The following FAM81A variants were observed in gnomAD, a reference collection of about 807,000 sequenced individuals.
The protein encoded by FAM81A is protein FAM81A.
A neutral mutation model predicts 46.7 loss-of-function variants in FAM81A; 19 were observed. That is an observed-to-expected ratio of 0.41 (90% CI 0.28 to 0.60). The LOEUF (loss-of-function observed/expected upper bound fraction) is 0.60, where lower values mean the gene tolerates loss of function less well. FAM81A is among the 20% of genes least tolerant of loss of function. The pLI, the probability that FAM81A is intolerant of heterozygous loss-of-function variation, is 0.34. For missense variants in FAM81A, 377 were observed against 453.5 expected, an observed-to-expected ratio of 0.83 and a Z score of 1.53; for synonymous variants, 183 against 152.9, an observed-to-expected ratio of 1.20 and a Z score of -1.45.
chr15:59,467,787 G>A (rs1415049719), intron 3 of FAM81A, among the ~76,000 whole-genome samples: 12 of 152,080 alleles, frequency 7.9e-5, no homozygotes, highest in Admixed American at 2.0e-4. Flanking sequence ...GTTTTGTGCC[G>A]GTTTTCAAAG....
chr15:59,419,500 G>C (rs1425856918), intron 2 of FAM81A, among the ~76,000 whole-genome samples: 1 of 152,104 alleles, frequency 6.6e-6, no homozygotes, highest in African/African-American at 2.4e-5. Context: ...TACAGTACTT[G>C]AAGTGTGAAC....
chr15:59,491,926 A>G (rs944153732), intron 3 of FAM81A, among the ~76,000 whole-genome samples: 37 of 151,958 alleles, frequency 2.4e-4, no homozygotes, highest in African/African-American at 8.7e-4. Flanking sequence ...AGATTGTGCC[A>G]CTGCACTCCA....
chr15:59,452,288 A>G (rs993557035), intron 1 of FAM81A, among the ~76,000 whole-genome samples: 1 of 152,242 alleles, frequency 6.6e-6, no homozygotes, highest in Non-Finnish European at 1.5e-5. Context: ...GAAAATGTCC[A>G]TCATTAAGGG....
At chr15:59,500,611 C>G (rs1385143258) in intron 4 of FAM81A, among the ~76,000 whole-genome samples, 2 of 151,998 alleles carry the variant, frequency 1.3e-5, no homozygotes, top group Non-Finnish European at 2.9e-5. Context: ...ATCTTCTCTC[C>G]TATTATTCTC....
chr15:59,484,276 T>G (rs2081890685), intron 3 of FAM81A, among the ~76,000 whole-genome samples: 1 of 152,132 alleles, frequency 6.6e-6, no homozygotes, highest in South Asian at 2.1e-4. Flanking sequence ...TTTCTAAAAG[T>G]CAGTAGATGG....
chr15:59,415,887 C>T (rs568463848), intron 2 of FAM81A, among the ~76,000 whole-genome samples: 110 of 152,268 alleles, frequency 7.2e-4, no homozygotes, highest in Non-Finnish European at 1.1e-3. Flanking sequence ...TGTTGTTAAG[C>T]AGAAATGAAC....
chr15:59,475,445 C>G (rs548405666), intron 3 of FAM81A, among the ~76,000 whole-genome samples: 12 of 152,236 alleles, frequency 7.9e-5, no homozygotes, highest in Admixed American at 5.9e-4. Context: ...CATGCCTGGC[C>G]TAAACATGTT....
chr15:59,515,855 G>A (rs768359982), intron 7 of FAM81A, among the ~76,000 whole-genome samples: 15 of 151,916 alleles, frequency 9.9e-5, no homozygotes, highest in Non-Finnish European at 2.1e-4. Flanking sequence ...TTTTTATTTC[G>A]CATAATGGAA....
chr15:59,430,900 C>T (rs1206144788), intron 2 of FAM81A, among the ~76,000 whole-genome samples: 1 of 152,074 alleles, frequency 6.6e-6, no homozygotes, highest in African/African-American at 2.4e-5. Context: ...ACTCTGTCTC[C>T]CTGTGTAGGA....
chr15:59,401,439 G>A (rs1403002398), intron 1 of FAM81A: 1 of 800,772 alleles, frequency 1.2e-6, no homozygotes, highest in African/African-American at 1.7e-5. Context: ...GTGACTTTCA[G>A]TTCAGGATAT....
intron 8 of FAM81A, among the ~76,000 whole-genome samples, chr15:59,519,555 TTTCCTTTCCCTTCCCTTCCCTTCCC>T (rs796953414): frequency 6.0e-4 from 90 of 149,504 alleles, no homozygotes; most frequent in African/African-American, 2.1e-3. Flanking sequence ...TCTTCCTTTC[TTTCCTTTCCCTTCCCTTCCCTTCCC>T]TTCCTTTCCC....
intron 2 of FAM81A, among the ~76,000 whole-genome samples, chr15:59,415,986 A>C (rs1434628945): frequency 6.6e-6 from 1 of 152,250 alleles, no homozygotes; most frequent in East Asian, 1.9e-4. Context: ...ATCCCTGAAC[A>C]TACTGTAGGG....
At chr15:59,479,519 G>C (rs372752522) in intron 3 of FAM81A, among the ~76,000 whole-genome samples, 1 of 72,676 alleles carries the variant, frequency 1.4e-5, no homozygotes, top group Non-Finnish European at 2.4e-5. Context: ...TCAAAAATAA[G>C]AAAAAAAAAA....
chr15:59,434,832 G>A (rs1475920968), upstream of FAM81A, among the ~76,000 whole-genome samples: 3 of 151,904 alleles, frequency 2.0e-5, no homozygotes, highest in African/African-American at 7.3e-5. Flanking sequence ...CTGCTTTCCA[G>A]CCTTCTTATA....
intron 1 of FAM81A, among the ~76,000 whole-genome samples, chr15:59,400,627 C>T (rs1596456226): frequency 6.6e-6 from 1 of 152,232 alleles, no homozygotes; most frequent in Non-Finnish European, 1.5e-5. Context: ...GTCATTCCTT[C>T]CCCTGCTCCC....
intron 4 of FAM81A, among the ~76,000 whole-genome samples, chr15:59,506,179 T>C (rs1464769595): frequency 6.6e-6 from 1 of 152,100 alleles, no homozygotes; most frequent in Non-Finnish European, 1.5e-5. Context: ...TTTTGTATTA[T>C]CGTTTTATCT....
chr15:59,463,399 T>C (rs1394537512), intron 3 of FAM81A, among the ~76,000 whole-genome samples: 5 of 152,216 alleles, frequency 3.3e-5, no homozygotes, highest in African/African-American at 1.2e-4. Flanking sequence ...AATAAGGTAA[T>C]GTAAGTTCTC....
intron 1 of FAM81A, among the ~76,000 whole-genome samples, chr15:59,440,615 A>G (rs1169066408): frequency 6.6e-6 from 1 of 152,190 alleles, no homozygotes; most frequent in Non-Finnish European, 1.5e-5. Context: ...GGACTTGTTC[A>G]GTCTTGAACA....
intron 2 of FAM81A, among the ~76,000 whole-genome samples, chr15:59,415,435 C>T (rs1476528657): frequency 6.6e-6 from 1 of 152,122 alleles, no homozygotes; most frequent in Non-Finnish European, 1.5e-5. Flanking sequence ...ATTAAGATTG[C>T]TAATCAGCTG....
Sources: gnomAD v4.1 joint callset for allele counts (sites outside exome capture counted in the v4.1 genomes callset) on GRCh38, gnomAD v4.1.1 for gene constraint, MANE v1.5 for transcripts, NCBI Gene and HGNC (gene_info 2026-07-23, HGNC 2026-07-21) for gene names.